Variants in TAFA4 observed in about 807,000 individuals in gnomAD.
The protein encoded by TAFA4 is chemokine-like protein TAFA-4.
A neutral mutation model predicts 21.1 loss-of-function variants in TAFA4; 20 were observed. The ratio of observed to expected loss-of-function variants is 0.95; its 90% CI spans 0.67 to 1.38. The LOEUF (loss-of-function observed/expected upper bound fraction) is 1.38. Ranked by LOEUF, TAFA4 falls within the 40% of genes most tolerant of loss-of-function variation. The pLI, the probability that TAFA4 is intolerant of heterozygous loss-of-function variation, is 0.00. For synonymous variants in TAFA4, 71 were observed against 67.4 expected (o/e 1.05, Z -0.26); for missense variants, 211 against 180.9 (o/e 1.17, Z -0.95).
chr3:68,787,272 CA>C, intron 3 of TAFA4, among the ~76,000 whole-genome samples: 1 of 152,222 alleles, frequency 6.6e-6, no homozygotes. Context: ...GAAATTGCAA[CA>C]AACTAACCCC....
intron 3 of TAFA4, among the ~76,000 whole-genome samples, chr3:68,789,720 GTAAT>G (rs1703328290): frequency 6.6e-6 from 1 of 152,174 alleles, no homozygotes; most frequent in South Asian, 2.1e-4. Context: ...TCACTGCCAT[GTAAT>G]TAGTTTCAAC....
intron 3 of TAFA4, among the ~76,000 whole-genome samples, chr3:68,803,880 C>G (rs1242238259): frequency 7.3e-6 from 1 of 137,790 alleles, no homozygotes; most frequent in Non-Finnish European, 1.5e-5. Context: ...TCTCGGCTCA[C>G]GGCAACCTCC....
chr3:68,902,658 G>A (rs962165023), intron 1 of TAFA4, among the ~76,000 whole-genome samples: 5 of 152,130 alleles, frequency 3.3e-5, no homozygotes, highest in Non-Finnish European at 7.3e-5. Context: ...ATGAGCCACT[G>A]TGTCCAGCCT....
At chr3:68,782,636 A>G (rs1379450107) in intron 3 of TAFA4, among the ~76,000 whole-genome samples, 1 of 152,230 alleles carries the variant, frequency 6.6e-6, no homozygotes, top group East Asian at 1.9e-4. Context: ...AAGAAAAAAG[A>G]CAGACAAAAA....
At chr3:68,903,688 G>C (rs902017044) in intron 1 of TAFA4, among the ~76,000 whole-genome samples, 1 of 152,130 alleles carries the variant, frequency 6.6e-6, no homozygotes. Context: ...TGTATGCACA[G>C]GTTTGTTATA....
intron 3 of TAFA4, among the ~76,000 whole-genome samples, chr3:68,756,339 T>A (rs1351122431): frequency 1.3e-5 from 2 of 152,234 alleles, no homozygotes; most frequent in African/African-American, 4.8e-5. Context: ...AGTGTGTTCA[T>A]GATTTTCAGA....
intron 3 of TAFA4, among the ~76,000 whole-genome samples, chr3:68,853,874 A>G (rs1705005128): frequency 6.6e-6 from 1 of 152,148 alleles, no homozygotes; most frequent in Admixed American, 6.5e-5. Flanking sequence ...GGCTCAGAGC[A>G]TACAGAAATA....
At chr3:68,766,385 A>G (rs1702855264) in intron 3 of TAFA4, among the ~76,000 whole-genome samples, 1 of 152,154 alleles carries the variant, frequency 6.6e-6, no homozygotes. Flanking sequence ...ACCACACATC[A>G]AATCCAGGTA....
intron 3 of TAFA4, among the ~76,000 whole-genome samples, chr3:68,757,319 C>T (rs1702676889): frequency 6.6e-6 from 1 of 152,064 alleles, no homozygotes; most frequent in South Asian, 2.1e-4. Context: ...CAGATTAAGG[C>T]CATGCCCTTA....
intron 4 of TAFA4, among the ~76,000 whole-genome samples, chr3:68,739,448 G>A (rs1702307937): frequency 6.6e-6 from 1 of 152,156 alleles, no homozygotes; most frequent in South Asian, 2.1e-4. Flanking sequence ...TTGCTGTGAA[G>A]GTAAATTAGT....
At chr3:68,788,050 A>C (rs1703292714) in intron 3 of TAFA4, among the ~76,000 whole-genome samples, 1 of 152,214 alleles carries the variant, frequency 6.6e-6, no homozygotes. Flanking sequence ...TAGTTCCTTT[A>C]GGTATTTGAG....
chr3:68,742,240 A>G (rs1702370511), intron 4 of TAFA4, among the ~76,000 whole-genome samples: 1 of 105,280 alleles, frequency 9.5e-6, no homozygotes, highest in Non-Finnish European at 2.0e-5. Context: ...CATATACGAC[A>G]AGACATGGAT....
chr3:68,883,664 T>C (rs2089641074), intron 2 of TAFA4, among the ~76,000 whole-genome samples: 1 of 152,230 alleles, frequency 6.6e-6, no homozygotes, highest in African/African-American at 2.4e-5. Flanking sequence ...AATTGATCGA[T>C]AATTTGATCA....
chr3:68,823,388 T>C (rs1704155217), intron 3 of TAFA4, among the ~76,000 whole-genome samples: 1 of 152,222 alleles, frequency 6.6e-6, no homozygotes. Context: ...GAAGTGTCAT[T>C]GAATGCTCAT....
chr3:68,765,004 A>C (rs1164354263), intron 3 of TAFA4, among the ~76,000 whole-genome samples: 2 of 152,164 alleles, frequency 1.3e-5, no homozygotes, highest in African/African-American at 4.8e-5. Flanking sequence ...ACCAAAAGAC[A>C]AAGAAGCCAG....
At chr3:68,743,511 G>C (rs956579809) in intron 4 of TAFA4, among the ~76,000 whole-genome samples, 6 of 150,986 alleles carry the variant, frequency 4.0e-5, no homozygotes, top group Non-Finnish European at 7.4e-5. Context: ...GGGAGGCAGA[G>C]GTTGCAGTGA....
At chr3:68,907,614 T>C (rs773270444) in intron 1 of TAFA4, among the ~76,000 whole-genome samples, 2 of 152,126 alleles carry the variant, frequency 1.3e-5, no homozygotes, top group Non-Finnish European at 2.9e-5. Context: ...ATGCTTTCCA[T>C]ACAGGGGAGA....
chr3:68,813,726 C>G (rs1229356596), intron 3 of TAFA4, among the ~76,000 whole-genome samples: 2 of 152,132 alleles, frequency 1.3e-5, no homozygotes, highest in Non-Finnish European at 2.9e-5. Flanking sequence ...CAGCCGAATT[C>G]TACCAGAGGT....
chr3:68,787,002 G>A (rs1575608339), intron 3 of TAFA4, among the ~76,000 whole-genome samples: 1 of 152,186 alleles, frequency 6.6e-6, no homozygotes, highest in South Asian at 2.1e-4. Context: ...AGCTCATGCA[G>A]AAAGTTATTT....
Sources: allele counts gnomAD v4.1 joint callset (sites outside exome capture counted in the v4.1 genomes callset), GRCh38; gene constraint gnomAD v4.1.1; transcripts MANE v1.5; gene names NCBI Gene and HGNC (gene_info 2026-07-23, HGNC 2026-07-21).